The following CYBRD1 variants were observed in gnomAD, a reference collection of about 807,000 sequenced individuals.
CYBRD1 encodes the protein plasma membrane ascorbate-dependent reductase CYBRD1.
In CYBRD1, 14 loss-of-function variants were observed where a neutral mutation model predicts 21.9. That is an observed-to-expected ratio of 0.64 (90% CI 0.42 to 1.00). CYBRD1 has a LOEUF of 1.00. CYBRD1 is among the 50% of genes least tolerant of loss of function. The probability of loss-of-function intolerance (pLI) is 0.00; values close to 1 mark genes in which losing one functional copy is unlikely to be tolerated. For missense variants in CYBRD1, 328 were observed against 352.5 expected (o/e 0.93, Z 0.56); for synonymous variants, 146 against 136.5 (o/e 1.07, Z -0.48).
intron 1 of CYBRD1, among the ~76,000 whole-genome samples, chr2:171,526,695 C>T (rs1021189466): frequency 6.6e-6 from 1 of 152,154 alleles, no homozygotes; most frequent in Non-Finnish European, 1.5e-5. Context: ...AAGAGGGCCA[C>T]AGAAAAGACT....
chr2:171,544,012 G>A (rs1360695264), intron 2 of CYBRD1, among the ~76,000 whole-genome samples: 1 of 152,160 alleles, frequency 6.6e-6, no homozygotes, highest in African/African-American at 2.4e-5. Context: ...GTTTTCCCAA[G>A]TGATTGACCC....
intron 2 of CYBRD1, among the ~76,000 whole-genome samples, chr2:171,548,590 C>G (rs923182957): frequency 7.0e-6 from 1 of 143,026 alleles, no homozygotes; most frequent in Non-Finnish European, 1.5e-5. Flanking sequence ...CTGGGAGGAG[C>G]TTCCATATAA....
At chr2:171,551,342 A>G (rs1351034918) in intron 2 of CYBRD1, among the ~76,000 whole-genome samples, 2 of 152,214 alleles carry the variant, frequency 1.3e-5, no homozygotes, top group Non-Finnish European at 2.9e-5. Context: ...AGATTTAGGA[A>G]TATTCTGAAC....
Position 171,554,899 on chromosome 2 carries a change from C to T in CYBRD1, c.*72C>T, listed in dbSNP as rs1161166669. On this transcript the variant is annotated 3_prime_UTR_variant, in exon 4 of 4. Transcript: ENST00000321348. Reference sequence around the variant, plus strand: ...TCTACAGTTTTGCTTCTCCTATTAGCCATATGATAATTGGGCTATGTAGTA... The same window carrying T: ...TCTACAGTTTTGCTTCTCCTATTAGTCATATGATAATTGGGCTATGTAGTA... 7 of 1,496,860 alleles carry T rather than the reference C, an allele frequency of 4.7e-6. No homozygotes were observed. Among genetic ancestry groups the T allele is most frequent in the Non-Finnish European group, 6.5e-6 (7 of 1,082,030 alleles). The allele number at this position is 1,496,860 out of a possible 1,614,324, so 92.7% of individuals were successfully genotyped here. A position where few individuals can be genotyped will look rare whatever the true frequency, so the allele number is the denominator to read the frequency against.
rs1289357114 is a variant in CYBRD1, at chr2:171,556,156, T to C, written c.*1329T>C. ...TGGTAACAAAAGATTTGGACAGGCA[T>C]ATCTGTAGCTTTCAAGTTAATTAAT... On this transcript the variant is annotated 3_prime_UTR_variant, in exon 4 of 4. Transcript: ENST00000321348. The C allele has an allele frequency of 6.6e-6, 1 of 152,218 alleles. No individual in the cohort carries two copies. Among genetic ancestry groups the C allele is most frequent in the Non-Finnish European group, 1.5e-5 (1 of 68,034 alleles). The allele number at this position is 152,218 out of a possible 1,614,324, so 9.4% of individuals were successfully genotyped here.
chr2:171,550,573 T>C (rs1056301335), intron 2 of CYBRD1, among the ~76,000 whole-genome samples: 2 of 152,226 alleles, frequency 1.3e-5, no homozygotes, highest in African/African-American at 4.8e-5. Context: ...AAATTATAAA[T>C]ATGCATTATT....
chr2:171,530,084 G>T (rs146726239), intron 1 of CYBRD1, among the ~76,000 whole-genome samples: 1 of 152,340 alleles, frequency 6.6e-6, no homozygotes, highest in African/African-American at 2.4e-5. Flanking sequence ...GACAGGCAGA[G>T]ATTGGAGTGA....
intron 3 of CYBRD1, 31 bp downstream of exon 3, chr2:171,553,531 C>T: frequency 1.3e-6 from 2 of 1,580,726 alleles, no homozygotes; most frequent in Non-Finnish European, 1.7e-6. Flanking sequence ...AATTGTAATA[C>T]TTAAGCCACA....
At chr2:171,535,485 AC>A (rs1697530978) in intron 1 of CYBRD1, among the ~76,000 whole-genome samples, 3 of 145,518 alleles carry the variant, frequency 2.1e-5, no homozygotes, top group African/African-American at 7.6e-5. Flanking sequence ...CAAATTTGAC[AC>A]ATTTCTCTGT....
chr2:171,533,770 C>CTTT (rs10707105), intron 1 of CYBRD1, among the ~76,000 whole-genome samples: 1 of 130,698 alleles, frequency 7.7e-6, no homozygotes, highest in African/African-American at 2.9e-5. Flanking sequence ...TTCTTTCTTT[C>CTTT]TTTTTTTTTT....
At chr2:171,553,834 TTAC>T (rs924661449) in intron 3 of CYBRD1, among the ~76,000 whole-genome samples, 3 of 152,184 alleles carry the variant, frequency 2.0e-5, no homozygotes, top group African/African-American at 7.2e-5. Context: ...GTGATAACTG[TTAC>T]TGGTGGAGGG....
intron 1 of CYBRD1, among the ~76,000 whole-genome samples, chr2:171,524,957 A>G (rs974346538): frequency 1.3e-5 from 2 of 152,110 alleles, no homozygotes; most frequent in Non-Finnish European, 2.9e-5. Flanking sequence ...CTTTCTTTCA[A>G]GACGTAGTCT....
intron 2 of CYBRD1, among the ~76,000 whole-genome samples, chr2:171,544,484 A>C (rs929386530): frequency 6.6e-6 from 1 of 152,210 alleles, no homozygotes; most frequent in African/African-American, 2.4e-5. Context: ...AAGAGCATTA[A>C]AATTTTGTCT....
chr2:171,543,012 A>G (rs1444577859), intron 2 of CYBRD1, among the ~76,000 whole-genome samples: 2 of 152,258 alleles, frequency 1.3e-5, no homozygotes, highest in Admixed American at 1.3e-4. Context: ...TTAGGTAACT[A>G]TAAGGGAACA....
chr2:171,554,763 G>A lies in CYBRD1; in HGVS notation c.797G>A (p.Ser266Asn), dbSNP rs10455. 1,073,458 of 1,613,702 alleles carry A rather than the reference G, an allele frequency of 0.67. 361,957 individuals are homozygous for A. The highest frequency in any genetic ancestry group is 0.89 in the African/African-American group (66,404 of 74,970). Reference sequence around the variant, plus strand: ...GACAAATCAGATTCAGAGTTAAACAGTGAAGTAGCAGCAAGGAAAAGAAAC... The same window carrying A: ...GACAAATCAGATTCAGAGTTAAACAATGAAGTAGCAGCAAGGAAAAGAAAC... ...NMDKSDSELN[S>N]EVAARKRNLA... Residue 266 changes from serine (S) to asparagine (N), a missense_variant, in exon 4 of 4, where the codon AGT becomes AAT. Ser to Asn is a conservative substitution (Grantham distance 46, BLOSUM62 1). Coordinates refer to ENST00000321348, the MANE Select transcript of CYBRD1 (RefSeq NM_024843.4).
upstream of CYBRD1, chr2:171,522,429 G>A: frequency 3.3e-6 from 5 of 1,519,408 alleles, no homozygotes; most frequent in Non-Finnish European, 4.4e-6. This position sits in a 1 kb window ranked among gnomAD's most constrained non-coding sequence, Gnocchi z 4.3. Context: ...CCTCCCCGCA[G>A]GCGGAGACAG....
At chr2:171,531,338 TTTA>T (rs1409227752) in intron 1 of CYBRD1, among the ~76,000 whole-genome samples, 1 of 152,178 alleles carries the variant, frequency 6.6e-6, no homozygotes, top group East Asian at 1.9e-4. Flanking sequence ...AATTAACATA[TTTA>T]TTAAGTACTT....
At chr2:171,524,128 GA>G (rs1359717384) in intron 1 of CYBRD1, among the ~76,000 whole-genome samples, 6 of 152,288 alleles carry the variant, frequency 3.9e-5, no homozygotes, top group African/African-American at 1.4e-4. Context: ...TCCCACTCTG[GA>G]ATGTAGTGGA....
chr2:171,555,271 G>A lies in CYBRD1; in HGVS notation c.*444G>A. On this transcript the variant is annotated 3_prime_UTR_variant, in exon 4 of 4. Coordinates refer to ENST00000321348, the MANE Select transcript of CYBRD1 (RefSeq NM_024843.4). Reference sequence around the variant, plus strand: ...TTTAAAATCCGATAAGGAATATCTGGGACAGGGTTTAGATCATGACTCTAC... The same window carrying A: ...TTTAAAATCCGATAAGGAATATCTGAGACAGGGTTTAGATCATGACTCTAC... 1 of 231,336 alleles carries A rather than the reference G, an allele frequency of 4.3e-6. No individual in the cohort carries two copies. The highest frequency in any genetic ancestry group is 1.1e-4 in the East Asian group (1 of 8,772). The allele number at this position is 231,336 out of a possible 1,614,324, so 14.3% of individuals were successfully genotyped here. A position where few individuals can be genotyped will look rare whatever the true frequency, so the allele number is the denominator to read the frequency against.
Sources: allele counts gnomAD v4.1 joint callset (sites outside exome capture counted in the v4.1 genomes callset), GRCh38; gene constraint gnomAD v4.1.1; non-coding constraint Gnocchi (gnomAD v3.1); transcripts MANE v1.5; gene names NCBI Gene and HGNC (gene_info 2026-07-23, HGNC 2026-07-21).